Variants in ZFAT observed in about 807,000 individuals in gnomAD.
ZFAT encodes zinc finger and AT-hook domain containing.
Under a neutral mutation model 117.7 loss-of-function variants are expected in ZFAT, and 64 were observed. That is an observed-to-expected ratio of 0.54 (90% CI 0.44 to 0.67). The LOEUF (loss-of-function observed/expected upper bound fraction) is 0.67. Ranked by LOEUF, ZFAT falls within the 30% of genes least tolerant of loss-of-function variation. The pLI is 0.00. For missense variants in ZFAT, 1,433 were observed against 1,584.5 expected (o/e 0.90, Z 1.62); for synonymous variants, 679 against 615.0 (o/e 1.10, Z -1.54).
At chr8:134,548,500 G>T (rs895424427) in intron 11 of ZFAT, among the ~76,000 whole-genome samples, 2 of 152,206 alleles carry the variant, frequency 1.3e-5, no homozygotes, top group African/African-American at 4.8e-5. Context: ...CCACCTGTAG[G>T]ATTTCAGCTT....
At chr8:134,741,167 A>G in the ZFAT span, among the ~76,000 whole-genome samples, 1 of 152,064 alleles carries the variant, frequency 6.6e-6, no homozygotes, top group Non-Finnish European at 1.5e-5. Context: ...TCACCTCTCA[A>G]AAAACATAAC....
intron 7 of ZFAT, among the ~76,000 whole-genome samples, chr8:134,595,066 C>T (rs140152361): frequency 6.6e-6 from 1 of 152,158 alleles, no homozygotes; most frequent in African/African-American, 2.4e-5. Context: ...CCATGAGACT[C>T]TGACTGAGGA....
intron 3 of ZFAT, among the ~76,000 whole-genome samples, chr8:134,612,842 T>C (rs1771744911): frequency 6.6e-6 from 1 of 152,236 alleles, no homozygotes; most frequent in Non-Finnish European, 1.5e-5. Flanking sequence ...ATGACTCCTA[T>C]AAAGCCGGAG....
chr8:134,675,981 T>G (rs1217857144), intron 1 of ZFAT, among the ~76,000 whole-genome samples: 2 of 152,096 alleles, frequency 1.3e-5, no homozygotes, highest in South Asian at 4.1e-4. Context: ...CACCAGCCAC[T>G]GCAAAAACAT....
the ZFAT span, among the ~76,000 whole-genome samples, chr8:134,763,087 T>A: frequency 6.6e-6 from 1 of 152,170 alleles, no homozygotes; most frequent in Non-Finnish European, 1.5e-5. Flanking sequence ...TAAATCAGAC[T>A]GAAAAGTCTT....
chr8:134,775,234 C>A, the ZFAT span, among the ~76,000 whole-genome samples: 1 of 152,214 alleles, frequency 6.6e-6, no homozygotes, highest in Non-Finnish European at 1.5e-5. Context: ...TTGTTATATT[C>A]TCTTATACTG....
chr8:134,793,302 G>A, the ZFAT span: 1 of 152,236 alleles, frequency 6.6e-6, no homozygotes, highest in South Asian at 2.1e-4. Context: ...TGAGTACAAG[G>A]CACATTTATG....
Position 134,512,549 on chromosome 8 carries a change from T to G in ZFAT, c.3287A>C (p.Glu1096Ala). 6.2e-7 allele frequency: 1 copy of G among 1,614,020 alleles called. No individual in the cohort carries two copies. The highest frequency in any genetic ancestry group is 8.5e-7 in the Non-Finnish European group (1 of 1,179,894). The change falls in exon 14 of 16, where the codon GAG becomes GCG. Residue 1096 changes from glutamate to alanine, a missense_variant. Transcript: ENST00000377838. Reference protein sequence around the residue: ...EPSTQYLHITEAEEDVQGTQA... With the variant: ...EPSTQYLHITAAEEDVQGTQA... ...TGTCCCTTGAACGTCTTCTTCGGCCTCTGTGATGTGGAGATACTGGGTGGA... is the reference window on the plus strand; with the variant it reads ...TGTCCCTTGAACGTCTTCTTCGGCCGCTGTGATGTGGAGATACTGGGTGGA...
chr8:134,543,002 C>T (rs772885101), intron 11 of ZFAT, among the ~76,000 whole-genome samples: 42 of 145,670 alleles, frequency 2.9e-4, no homozygotes, highest in Non-Finnish European at 5.1e-4. Flanking sequence ...CCACACCTCT[C>T]GTGACAGTGA....
Position 134,583,925 on chromosome 8 carries a change from T to A in ZFAT, c.2794A>T (p.Ser932Cys). ...SNLKAHMNRH[S>C]TEKTHLCDMC... Reference sequence around the variant, plus strand: ...TCACATAGGTGGGTTTTCTCAGTGCTGTGACGATTCATATGAGCCTTGAGG... The same window carrying A: ...TCACATAGGTGGGTTTTCTCAGTGCAGTGACGATTCATATGAGCCTTGAGG... Residue 932 changes from serine (S) to cysteine (C), a missense_variant, in exon 10 of 16, where the codon AGC (serine) becomes TGC (cysteine). By Grantham distance (112) the Ser-to-Cys change is moderately radical. This residue lies in a region of ZFAT where 503 missense variants were observed against 543.4 expected (regional missense o/e 0.93). Coordinates refer to ENST00000377838, the MANE Select transcript of ZFAT (RefSeq NM_020863.4). 6.2e-7 allele frequency: 1 copy of A among 1,602,898 alleles called. No individual in the cohort carries two copies. The highest frequency in any genetic ancestry group is 8.5e-7 in the Non-Finnish European group (1 of 1,174,102).
chr8:134,496,799 T>G (rs1218075841), intron 15 of ZFAT, among the ~76,000 whole-genome samples: 1 of 152,162 alleles, frequency 6.6e-6, no homozygotes, highest in African/African-American at 2.4e-5. Context: ...GGGAGGGTAC[T>G]CCTCCCCGTG....
chr8:134,590,709 CCAT>C (rs1433132435), intron 7 of ZFAT, among the ~76,000 whole-genome samples: 1 of 131,740 alleles, frequency 7.6e-6, no homozygotes, highest in Non-Finnish European at 1.6e-5. Flanking sequence ...ACCACGACCA[CCAT>C]CACCATTACC....
chr8:134,703,338 T>C (rs1026588724), intron 1 of ZFAT, among the ~76,000 whole-genome samples: 5 of 152,260 alleles, frequency 3.3e-5, no homozygotes, highest in African/African-American at 1.2e-4. Context: ...CTCATTTTAA[T>C]TAGTTTTGTC....
At chr8:134,792,439 A>T in the ZFAT span, 1 of 152,270 alleles carries the variant, frequency 6.6e-6, no homozygotes, top group African/African-American at 2.4e-5. Flanking sequence ...TGCCATTTGA[A>T]CTGTGTTACT....
At chr8:134,667,218 G>A (rs978776662) in intron 1 of ZFAT, among the ~76,000 whole-genome samples, 2 of 152,156 alleles carry the variant, frequency 1.3e-5, no homozygotes, top group African/African-American at 4.8e-5. Flanking sequence ...AGGTGGCTGG[G>A]TGCAGTGGCT....
At chr8:134,640,495 G>A (rs1287586766) in intron 2 of ZFAT, among the ~76,000 whole-genome samples, 5 of 152,218 alleles carry the variant, frequency 3.3e-5, no homozygotes, top group East Asian at 1.9e-4. Context: ...AGCAGACATC[G>A]TGAGTCTCCA....
At chr8:134,491,387 C>T (rs1818048895) in intron 15 of ZFAT, among the ~76,000 whole-genome samples, 1 of 152,194 alleles carries the variant, frequency 6.6e-6, no homozygotes, top group Admixed American at 6.5e-5. Flanking sequence ...AGGCACCTGA[C>T]CACATTGTTA....
intron 8 of ZFAT, 146 bp downstream of exon 8, chr8:134,590,122 C>T (rs1335708687): frequency 1.8e-5 from 11 of 605,132 alleles, no homozygotes; most frequent in Admixed American, 1.2e-4. Flanking sequence ...TTCCCAGCGT[C>T]GAATAAAGAT....
At chr8:134,700,244 T>C (rs1833973730) in intron 1 of ZFAT, among the ~76,000 whole-genome samples, 1 of 152,234 alleles carries the variant, frequency 6.6e-6, no homozygotes. Flanking sequence ...TATCACATTG[T>C]TGGTCTAAAA....
Sources: gnomAD v4.1 joint callset for allele counts (sites outside exome capture counted in the v4.1 genomes callset) on GRCh38, gnomAD v4.1.1 for gene constraint, gnomAD v4.1.1 regional missense constraint, MANE v1.5 for transcripts, NCBI Gene and HGNC (gene_info 2026-07-23, HGNC 2026-07-21) for gene names.